The following NR2F6 variants were observed in gnomAD, a reference collection of about 807,000 sequenced individuals.
NR2F6 encodes the protein nuclear receptor subfamily 2 group F member 6.
Under a neutral mutation model 26.5 loss-of-function variants are expected in NR2F6, and 16 were observed. The ratio of observed to expected loss-of-function variants is 0.60; its 90% CI spans 0.41 to 0.92. NR2F6 has a LOEUF of 0.92. NR2F6 is among the 40% of genes least tolerant of loss of function. The probability of loss-of-function intolerance (pLI) is 0.00; values close to 1 mark genes in which losing one functional copy is unlikely to be tolerated. For missense variants in NR2F6, 536 were observed against 631.7 expected, an observed-to-expected ratio of 0.85 and a Z score of 1.62; for synonymous variants, 325 against 305.0, an observed-to-expected ratio of 1.07 and a Z score of -0.68.
Position 17,232,360 on chromosome 19 carries a change from C to T in NR2F6, c.1207G>A (p.Gly403Ser). 1.2e-6 allele frequency: 2 copies of T among 1,613,830 alleles called. No homozygotes were observed. The highest frequency in any genetic ancestry group is 1.7e-6 in the Non-Finnish European group (2 of 1,180,036). Residue 403 changes from glycine to serine, a missense_variant, in exon 4 of 4, where the codon GGC becomes AGC. By Grantham distance (56) the Gly-to-Ser change is moderately conservative. Transcript: ENST00000291442. Reference protein sequence around the residue: ...GSTFNWPYGSGQ With the variant: ...GSTFNWPYGSSQ ...ACGTGGCCCCGTCATGGTCACTGGCCCGAGCCGTAGGGCCAGTTGAAGGTA... is the reference window on the plus strand; with the variant it reads ...ACGTGGCCCCGTCATGGTCACTGGCTCGAGCCGTAGGGCCAGTTGAAGGTA...
At chr19:17,244,515 C>T (rs1421070193) in intron 1 of NR2F6, 2 of 183,458 alleles carry the variant, frequency 1.1e-5, no homozygotes, top group South Asian at 1.8e-4. Context: ...CAGACAATGG[C>T]CCCTGGACGC....
At chr19:17,238,485 C>G (rs1397808417) in intron 2 of NR2F6, among the ~76,000 whole-genome samples, 1 of 152,174 alleles carries the variant, frequency 6.6e-6, no homozygotes, top group South Asian at 2.1e-4. Flanking sequence ...GAGGGAAGAG[C>G]CCGTGCAAAG....
chr19:17,243,890 C>T (rs1184703335), intron 1 of NR2F6, among the ~76,000 whole-genome samples: 1 of 152,198 alleles, frequency 6.6e-6, no homozygotes. Context: ...CAGGACCTCT[C>T]TCTGGGCCTT....
chr19:17,235,437 G>A lies in NR2F6; in HGVS notation c.940+62C>T, dbSNP rs1599453408. 6 of 1,526,188 alleles carry A rather than the reference G, an allele frequency of 3.9e-6. No homozygotes were observed. Among genetic ancestry groups the A allele is most frequent in the Non-Finnish European group, 5.3e-6 (6 of 1,142,828 alleles). 94.5% of individuals were successfully genotyped at this position (1,526,188 alleles called of 1,614,324 possible). ...GGGGGCCGGAGTCTGGGTCCAGGCCGCCCTCCTCCTAACCTCCCTTGGGTC... is the reference window on the plus strand; with the variant it reads ...GGGGGCCGGAGTCTGGGTCCAGGCCACCCTCCTCCTAACCTCCCTTGGGTC... On this transcript the variant is annotated intron_variant, in intron 3 of 3. Transcript: ENST00000291442. This position sits in a 1 kb window ranked among gnomAD's most constrained non-coding sequence, Gnocchi z 5.0.
chr19:17,232,723 G>T, intron 3 of NR2F6, 97 bp from the exon 4 acceptor site: 1 of 1,400,226 alleles, frequency 7.1e-7, no homozygotes, highest in Admixed American at 2.6e-5. Context: ...CTGTGGGTAA[G>T]AACAGGGGGC....
intron 3 of NR2F6, among the ~76,000 whole-genome samples, chr19:17,234,397 C>T (rs1397079675): frequency 2.6e-5 from 4 of 152,108 alleles, no homozygotes; most frequent in Admixed American, 6.6e-5. Context: ...TCCTAAAGTG[C>T]GGTGATTACA....
At chr19:17,241,239 G>A (rs141931157) in intron 1 of NR2F6, among the ~76,000 whole-genome samples, 4 of 152,286 alleles carry the variant, frequency 2.6e-5, no homozygotes, top group African/African-American at 9.6e-5. Flanking sequence ...ATTAACTAGG[G>A]GTCAGGCCAG....
At position 17,232,646 on chromosome 19, in the gene NR2F6, TCAGA is replaced by T. The variant is rs2073414212; in HGVS notation, c.941-24_941-21del. On this transcript the variant is annotated intron_variant, in intron 3 of 3. Transcript: ENST00000291442. ...AGGCGTCTAGGGGGACAAAGGCAAG[TCAGA>T]CAGGTGGGAGGCAGCTAGAGAACAC... 1.3e-6 allele frequency: 2 copies of T among 1,516,614 alleles called. No homozygotes were observed. Among genetic ancestry groups the T allele is most frequent in the Non-Finnish European group, 1.8e-6 (2 of 1,138,570 alleles). The allele number at this position is 1,516,614 out of a possible 1,614,324, so 93.9% of individuals were successfully genotyped here. A position where few individuals can be genotyped will look rare whatever the true frequency, so the allele number is the denominator to read the frequency against.
In NR2F6 at chr19:17,232,281, A is replaced by C; in HGVS notation, c.*71T>G. ...GTCCTGGGCCCCGGGAGGCCCCTCG[A>C]GGCCTCAGCATTCCCTGTCCCTTGA... On this transcript the variant is annotated 3_prime_UTR_variant, in exon 4 of 4. Coordinates refer to ENST00000291442, the MANE Select transcript of NR2F6 (RefSeq NM_005234.4). The C allele has an allele frequency of 1.3e-6, 2 of 1,588,900 alleles. No homozygotes were observed. Among genetic ancestry groups the C allele is most frequent in the South Asian group, 2.3e-5 (2 of 88,720 alleles).
Position 17,235,384 on chromosome 19 carries a change from C to A in NR2F6, c.940+115G>T. 6.7e-7 allele frequency: 1 copy of A among 1,482,568 alleles called. No homozygotes were observed. Among genetic ancestry groups the A allele is most frequent in the Non-Finnish European group, 8.9e-7 (1 of 1,122,844 alleles). The allele number at this position is 1,482,568 out of a possible 1,614,324, so 91.8% of individuals were successfully genotyped here. A position where few individuals can be genotyped will look rare whatever the true frequency, so the allele number is the denominator to read the frequency against. On this transcript the variant is annotated intron_variant, in intron 3 of 3. Transcript: ENST00000291442. This position sits in a 1 kb window ranked among gnomAD's most constrained non-coding sequence, Gnocchi z 5.0. ...TTCACTCACGGCGCGTGCAGGGCCC[C>A]AGGCCTAGGGAGCGAGCGGGGCGCT...
chr19:17,244,673 G>C (rs1450784288), intron 1 of NR2F6, among the ~76,000 whole-genome samples: 1 of 152,166 alleles, frequency 6.6e-6, no homozygotes. Flanking sequence ...CCCCTCCCCA[G>C]AGAAAAAGCG....
At chr19:17,239,712 G>A (rs895970663) in intron 2 of NR2F6, among the ~76,000 whole-genome samples, 3 of 151,560 alleles carry the variant, frequency 2.0e-5, no homozygotes, top group African/African-American at 4.8e-5. Flanking sequence ...CCAGCTACTC[G>A]GGAGGCTGAG....
At chr19:17,237,247 G>GT (rs2073443941) in intron 2 of NR2F6, among the ~76,000 whole-genome samples, 1 of 152,098 alleles carries the variant, frequency 6.6e-6, no homozygotes. Flanking sequence ...GTGGTTCCCC[G>GT]GTCCTCCAGG....
intron 2 of NR2F6, 41 bp from the exon 3 acceptor site, chr19:17,236,106 G>C: frequency 3.1e-6 from 1 of 324,708 alleles, no homozygotes; most frequent in East Asian, 5.2e-5. Context: ...GGGCGGGAGG[G>C]GAGGCGGGGG....
intron 3 of NR2F6, 44 bp from the exon 4 acceptor site, chr19:17,232,670 G>A: frequency 6.6e-7 from 1 of 1,508,714 alleles, no homozygotes; most frequent in Non-Finnish European, 8.8e-7. Context: ...GGCAGCTAGA[G>A]AACACAGAGC....
In NR2F6 at chr19:17,242,264, G is replaced by A. The variant is rs966335817; in HGVS notation, c.279-1499C>T. Among the ~76,000 whole-genome samples the A allele has an allele frequency of 3.3e-5, 5 of 152,210 alleles. No homozygotes were observed. In the East Asian group the frequency reaches 9.6e-4, roughly 29 times the overall value. ...ACCCGGGAGGCAGAGGTTGCAGTGA[G>A]TTGAGATCACGCCATCGCACTCCAG... On this transcript the variant is annotated intron_variant, in intron 1 of 3. Transcript: ENST00000291442.
At position 17,235,221 on chromosome 19, in the gene NR2F6, G is replaced by A. The variant is rs1406583922; in HGVS notation, c.940+278C>T. Among the ~76,000 whole-genome samples, 2 of 152,204 alleles carry A rather than the reference G, an allele frequency of 1.3e-5. No homozygotes were observed. The highest frequency in any genetic ancestry group is 2.9e-5 in the Non-Finnish European group (2 of 68,028). On this transcript the variant is annotated intron_variant, in intron 3 of 3. Transcript: ENST00000291442. The surrounding 1 kb of genome is among the most constrained non-coding windows in gnomAD (Gnocchi z 5.0). ...GCCTGGGAACAGGAAGAGGGTTCTG[G>A]GGTCTGGGCCCTGGTCCTGGCCCAG...
chr19:17,242,992 C>T (rs941343903), intron 1 of NR2F6, among the ~76,000 whole-genome samples: 5 of 152,222 alleles, frequency 3.3e-5, no homozygotes, highest in African/African-American at 1.2e-4. Context: ...TATGGCTCCC[C>T]ATTACCCTCA....
intron 1 of NR2F6, 124 bp from the exon 2 acceptor site, chr19:17,240,889 G>T: frequency 1.1e-6 from 1 of 912,120 alleles, no homozygotes; most frequent in Non-Finnish European, 1.7e-6. Context: ...GACTGGAGAG[G>T]TAGCCCCAAA....
Sources: allele counts gnomAD v4.1 joint callset (sites outside exome capture counted in the v4.1 genomes callset), GRCh38; gene constraint gnomAD v4.1.1; non-coding constraint Gnocchi (gnomAD v3.1); transcripts MANE v1.5; gene names NCBI Gene and HGNC (gene_info 2026-07-23, HGNC 2026-07-21).